UNC5D: variants seen among roughly 807,000 people sequenced by gnomAD.
UNC5D encodes unc-5 netrin receptor D.
A neutral mutation model predicts 105.4 loss-of-function variants in UNC5D; 39 were observed. The observed-to-expected ratio is 0.37, with a 90% confidence interval of 0.29 to 0.48. The LOEUF (loss-of-function observed/expected upper bound fraction) is 0.48. Among genes scored for constraint, UNC5D ranks in the 20% least tolerant of loss-of-function variants. UNC5D has a pLI of 0.98. For synonymous variants in UNC5D, 452 were observed against 450.4 expected (o/e 1.00, Z -0.04); for missense variants, 991 against 1,202.4 (o/e 0.82, Z 2.60).
intron 1 of UNC5D, among the ~76,000 whole-genome samples, chr8:35,424,457 A>T (rs868351752): frequency 6.6e-6 from 1 of 152,214 alleles, no homozygotes; most frequent in Non-Finnish European, 1.5e-5. Flanking sequence ...TCAGTCACCC[A>T]TGTGGCTGGT....
chr8:35,331,921 A>G (rs1484809285), intron 1 of UNC5D, among the ~76,000 whole-genome samples: 1 of 152,232 alleles, frequency 6.6e-6, no homozygotes, highest in Non-Finnish European at 1.5e-5. Context: ...TTCCAGGCAG[A>G]TAGCACATGT....
Position 35,505,504 on chromosome 8 carries a change from C to A in UNC5D, c.104-43788C>A, listed in dbSNP as rs139561180. Among the ~76,000 whole-genome samples, 1,008 of 152,172 alleles carry A rather than the reference C, an allele frequency of 6.6e-3. 13 individuals are homozygous for A. Among genetic ancestry groups the A allele is most frequent in the African/African-American group, 0.023 (946 of 41,496 alleles). ...AGATGTGAGTGGAATTAATTTGAGGCCAGGTCTGTGGTAAGGGTGTAGATG... is the reference window on the plus strand; with the variant it reads ...AGATGTGAGTGGAATTAATTTGAGGACAGGTCTGTGGTAAGGGTGTAGATG... On this transcript the variant is annotated intron_variant, in intron 1 of 16. Transcript: ENST00000404895.
intron 7 of UNC5D, among the ~76,000 whole-genome samples, chr8:35,687,832 C>T (rs958440221): frequency 3.3e-5 from 5 of 152,082 alleles, no homozygotes; most frequent in Non-Finnish European, 5.9e-5. Context: ...AGTAGGTGCA[C>T]ACTTGATAGG....
intron 11 of UNC5D, among the ~76,000 whole-genome samples, chr8:35,733,543 C>T (rs891868705): frequency 6.6e-6 from 1 of 152,204 alleles, no homozygotes; most frequent in African/African-American, 2.4e-5. Flanking sequence ...CACCACGGTT[C>T]CCTCTGTCTT....
intron 14 of UNC5D, among the ~76,000 whole-genome samples, chr8:35,765,099 T>A (rs534504152): frequency 6.6e-6 from 1 of 152,326 alleles, no homozygotes; most frequent in Non-Finnish European, 1.5e-5. Flanking sequence ...CAGAAGCCCC[T>A]GCACACCTTT....
chr8:35,557,160 C>T (rs934800196), intron 2 of UNC5D, among the ~76,000 whole-genome samples: 1 of 152,170 alleles, frequency 6.6e-6, no homozygotes, highest in Non-Finnish European at 1.5e-5. Context: ...CGCCTCTTCA[C>T]TTTCTCTTCT....
At chr8:35,370,787 G>A (rs1802386756) in intron 1 of UNC5D, among the ~76,000 whole-genome samples, 1 of 152,108 alleles carries the variant, frequency 6.6e-6, no homozygotes, top group Non-Finnish European at 1.5e-5. Flanking sequence ...CATGGAAATG[G>A]GCTGAATAAA....
intron 4 of UNC5D, among the ~76,000 whole-genome samples, chr8:35,631,490 G>A (rs997225432): frequency 6.6e-6 from 1 of 152,170 alleles, no homozygotes; most frequent in Non-Finnish European, 1.5e-5. Flanking sequence ...GTTGTCCTTT[G>A]TTAGAAAGCT....
intron 1 of UNC5D, among the ~76,000 whole-genome samples, chr8:35,367,268 G>A (rs2128922533): frequency 6.6e-6 from 1 of 152,278 alleles, no homozygotes; most frequent in Middle Eastern, 3.4e-3. Context: ...AGAGTGATAT[G>A]TAAATTTTTA....
At chr8:35,426,128 C>T (rs1030063599) in intron 1 of UNC5D, among the ~76,000 whole-genome samples, 4 of 152,156 alleles carry the variant, frequency 2.6e-5, no homozygotes, top group Non-Finnish European at 4.4e-5. Flanking sequence ...CATAGGATAC[C>T]GAGACATAAG....
At chr8:35,650,965 C>T (rs993862928) in intron 4 of UNC5D, among the ~76,000 whole-genome samples, 11 of 152,152 alleles carry the variant, frequency 7.2e-5, no homozygotes, top group Admixed American at 3.3e-4. Context: ...TCTTCTTAGT[C>T]TGACAGATGT....
intron 4 of UNC5D, among the ~76,000 whole-genome samples, chr8:35,671,960 C>T (rs1824838157): frequency 2.0e-5 from 3 of 152,020 alleles, no homozygotes; most frequent in Admixed American, 2.0e-4. Flanking sequence ...TCTTAGTCAC[C>T]CAATATGTGG....
chr8:35,690,440 G>A (rs1826311460), intron 7 of UNC5D, among the ~76,000 whole-genome samples: 1 of 151,998 alleles, frequency 6.6e-6, no homozygotes, highest in South Asian at 2.1e-4. Context: ...ACCAGCCTGG[G>A]CAACATAGCA....
At chr8:35,404,714 A>C (rs1378866753) in intron 1 of UNC5D, among the ~76,000 whole-genome samples, 1 of 151,986 alleles carries the variant, frequency 6.6e-6, no homozygotes, top group African/African-American at 2.4e-5. Context: ...CAGCCTCCCG[A>C]GTAGCTGTGA....
intron 1 of UNC5D, among the ~76,000 whole-genome samples, chr8:35,340,446 A>C (rs552805058): frequency 6.6e-6 from 1 of 152,290 alleles, no homozygotes; most frequent in Non-Finnish European, 1.5e-5. Flanking sequence ...CCTTACTTGG[A>C]ATATGGTCAC....
chr8:35,665,481 A>G (rs931016514), intron 4 of UNC5D, among the ~76,000 whole-genome samples: 2 of 152,104 alleles, frequency 1.3e-5, no homozygotes, highest in East Asian at 1.9e-4. Context: ...AAATAAGACC[A>G]TGGGTTTTGG....
chr8:35,767,576 C>T (rs1302050826), intron 15 of UNC5D, among the ~76,000 whole-genome samples: 1 of 152,122 alleles, frequency 6.6e-6, no homozygotes, highest in African/African-American at 2.4e-5. Flanking sequence ...GCTCAGAATT[C>T]TGTACATCCA....
At chr8:35,552,916 T>C (rs1206720460) in intron 2 of UNC5D, among the ~76,000 whole-genome samples, 1 of 152,128 alleles carries the variant, frequency 6.6e-6, no homozygotes, top group Non-Finnish European at 1.5e-5. Flanking sequence ...TACAAAACAA[T>C]GGCAGAATAT....
At chr8:35,285,427 T>G (rs1806521370) in intron 1 of UNC5D, among the ~76,000 whole-genome samples, 1 of 152,234 alleles carries the variant, frequency 6.6e-6, no homozygotes, top group African/African-American at 2.4e-5. Flanking sequence ...TGGTTTCAGA[T>G]GAAGCTTTGC....
Sources: gnomAD v4.1 joint callset for allele counts (sites outside exome capture counted in the v4.1 genomes callset) on GRCh38, gnomAD v4.1.1 for gene constraint, MANE v1.5 for transcripts, NCBI Gene and HGNC (gene_info 2026-07-23, HGNC 2026-07-21) for gene names.